PLBD2: variants seen among roughly 807,000 people sequenced by gnomAD.
PLBD2 encodes the protein phospholipase B domain containing 2.
A neutral mutation model predicts 68.3 loss-of-function variants in PLBD2; 51 were observed. That is an observed-to-expected ratio of 0.75 (90% CI 0.60 to 0.94). The LOEUF is 0.94. Ranked by LOEUF, PLBD2 falls within the 40% of genes least tolerant of loss-of-function variation. PLBD2 has a pLI of 0.00. For synonymous variants in PLBD2, 314 were observed against 339.3 expected, an observed-to-expected ratio of 0.93 and a Z score of 0.82; for missense variants, 729 against 792.2, an observed-to-expected ratio of 0.92 and a Z score of 0.96.
chr12:113,386,153 C>T (rs1253810670), intron 9 of PLBD2, among the ~76,000 whole-genome samples: 2 of 152,052 alleles, frequency 1.3e-5, no homozygotes, highest in African/African-American at 2.4e-5. Flanking sequence ...ATTGTTATCC[C>T]GAATGTCATA....
chr12:113,362,226 G>A (rs1219457959), intron 1 of PLBD2, among the ~76,000 whole-genome samples: 1 of 151,978 alleles, frequency 6.6e-6, no homozygotes, highest in African/African-American at 2.4e-5. Context: ...GCGCATGCCT[G>A]TGGTCCCAGC....
chr12:113,380,918 C>A (rs546257313), intron 6 of PLBD2, 76 bp downstream of exon 6: 4 of 1,392,026 alleles, frequency 2.9e-6, no homozygotes, highest in Non-Finnish European at 3.0e-6. Flanking sequence ...AGGATTGATT[C>A]CTGCGGCAAG....
Position 113,360,658 on chromosome 12 carries a change from T to C in PLBD2, c.290+1768T>C, listed in dbSNP as rs138477012. Among the ~76,000 whole-genome samples, 8 of 152,338 alleles carry C rather than the reference T, an allele frequency of 5.3e-5. No individual in the cohort carries two copies. The East Asian group carries it at 1.5e-3, about 29-fold the overall frequency. On this transcript the variant is annotated intron_variant, in intron 1 of 11. Coordinates refer to ENST00000280800, the MANE Select transcript of PLBD2 (RefSeq NM_173542.4). Reference sequence around the variant, plus strand: ...AGAAAGCACTGTTTATTTATTTTTATTTGTATTTTATTTTTTGAGACACAG... The same window carrying C: ...AGAAAGCACTGTTTATTTATTTTTACTTGTATTTTATTTTTTGAGACACAG...
chr12:113,374,626 T>G, intron 4 of PLBD2, 52 bp downstream of exon 4: 1 of 1,498,312 alleles, frequency 6.7e-7, no homozygotes, highest in Non-Finnish European at 9.1e-7. Flanking sequence ...CACACACTCA[T>G]AGTCGGACAG....
chr12:113,361,157 T>A (rs1182015262), intron 1 of PLBD2, among the ~76,000 whole-genome samples: 4 of 151,968 alleles, frequency 2.6e-5, no homozygotes, highest in Non-Finnish European at 4.4e-5. Flanking sequence ...GGGGACTCTG[T>A]GTCTTATTTC....
chr12:113,358,760 C>CCGCTGGGCGCGCG lies in PLBD2; in HGVS notation c.160_161insCGCTGGGCGCGCG (p.Gln54ProfsTer33). The CCGCTGGGCGCGCG allele has an allele frequency of 7.1e-7, 1 of 1,414,158 alleles. No homozygotes were observed. 87.6% of individuals were successfully genotyped at this position (1,414,158 alleles called of 1,614,324 possible). On this transcript the variant is annotated frameshift_variant, in exon 1 of 12. Coordinates refer to ENST00000280800, the MANE Select transcript of PLBD2 (RefSeq NM_173542.4). LOFTEE classifies it high-confidence loss of function. ...GGGGGGCCGCTGGGCGCGCGATGGG[C>CCGCTGGGCGCGCG]AGGTCCCTCCAGCCTCCCGCAGCCG...
In PLBD2 at chr12:113,391,293, C is replaced by G. The variant is rs1424025124; in HGVS notation, c.*2667C>G. On this transcript the variant is annotated 3_prime_UTR_variant, in exon 12 of 12. Transcript: ENST00000280800. Reference sequence around the variant, plus strand: ...CAATTCTGTCTCCACCTCTTATTAGCTAGCTATGGACTCCTCTCTGAGCCT... The same window carrying G: ...CAATTCTGTCTCCACCTCTTATTAGGTAGCTATGGACTCCTCTCTGAGCCT... The G allele has an allele frequency of 1.3e-5, 2 of 152,242 alleles. No individual in the cohort carries two copies. Among genetic ancestry groups the G allele is most frequent in the African/African-American group, 2.4e-5 (1 of 41,460 alleles). The allele number at this position is 152,242 out of a possible 1,614,324, so 9.4% of individuals were successfully genotyped here. A position where few individuals can be genotyped will look rare whatever the true frequency, so the allele number is the denominator to read the frequency against.
chr12:113,385,160 A>T, intron 8 of PLBD2, 52 bp from the exon 9 acceptor site: 1 of 1,586,440 alleles, frequency 6.3e-7, no homozygotes, highest in Non-Finnish European at 8.6e-7. Flanking sequence ...GGCAGTGCCC[A>T]CAGGAGCCCC....
chr12:113,382,895 AGGC>A (rs1254093024), intron 6 of PLBD2, among the ~76,000 whole-genome samples: 1 of 102,820 alleles, frequency 9.7e-6, no homozygotes, highest in Non-Finnish European at 1.8e-5. Context: ...TTTTTTAGAT[AGGC>A]TCTCTCTCTG....
intron 1 of PLBD2, among the ~76,000 whole-genome samples, chr12:113,365,837 A>C (rs1487326287): frequency 6.6e-6 from 1 of 152,142 alleles, no homozygotes; most frequent in Non-Finnish European, 1.5e-5. Flanking sequence ...AACCCAGAAC[A>C]GCTGTCACCT....
At chr12:113,373,596 CCATT>C (rs1391104329) in intron 3 of PLBD2, among the ~76,000 whole-genome samples, 1 of 151,986 alleles carries the variant, frequency 6.6e-6, no homozygotes, top group Non-Finnish European at 1.5e-5. Context: ...ATCCATCCAT[CCATT>C]CATCCACCTA....
At chr12:113,361,722 C>T (rs928852712) in intron 1 of PLBD2, among the ~76,000 whole-genome samples, 1 of 152,104 alleles carries the variant, frequency 6.6e-6, no homozygotes, top group Admixed American at 6.6e-5. Context: ...TGATTTGGTG[C>T]TTGGAGATCA....
At position 113,384,902 on chromosome 12, in the gene PLBD2, G is replaced by A; in HGVS notation, c.1170G>A (p.Gly390=). Residue 390 remains glycine (G), a synonymous_variant, in exon 8 of 12, where the codon GGG becomes GGA. Coordinates refer to ENST00000280800, the MANE Select transcript of PLBD2 (RefSeq NM_173542.4). The surrounding 1 kb of genome is among the most constrained non-coding windows in gnomAD (Gnocchi z 4.2). Reference sequence around the variant, plus strand: ...ACTACAAGGCGTTCATCCCGGGTGGGCCCAGCCCCGGGAGCCGGGTGCTTA... The same window carrying A: ...ACTACAAGGCGTTCATCCCGGGTGGACCCAGCCCCGGGAGCCGGGTGCTTA... The part of the protein sequence containing the change: ...IVDYKAFIPG[G]PSPGSRVLTI... The A allele has an allele frequency of 6.4e-7, 1 of 1,571,906 alleles. No homozygotes were observed. The highest frequency in any genetic ancestry group is 1.1e-5 in the South Asian group (1 of 90,612).
chr12:113,374,049 T>C (rs1363383232), intron 3 of PLBD2, among the ~76,000 whole-genome samples: 2 of 152,068 alleles, frequency 1.3e-5, no homozygotes, highest in African/African-American at 2.4e-5. Flanking sequence ...ACACTGATGA[T>C]ACTTTATGGC....
chr12:113,360,761 T>C (rs546341183), intron 1 of PLBD2, among the ~76,000 whole-genome samples: 1 of 152,212 alleles, frequency 6.6e-6, no homozygotes, highest in Non-Finnish European at 1.5e-5. Context: ...GTTCAAGCGA[T>C]TCTCGTGTCT....
Position 113,390,086 on chromosome 12 carries a change from C to G in PLBD2, c.*1460C>G, listed in dbSNP as rs1251055546. 1.3e-5 allele frequency: 2 copies of G among 152,134 alleles called. No homozygotes were observed. The highest frequency in any genetic ancestry group is 2.9e-5 in the Non-Finnish European group (2 of 68,056). The allele number at this position is 152,134 out of a possible 1,614,324, so 9.4% of individuals were successfully genotyped here. On this transcript the variant is annotated 3_prime_UTR_variant, in exon 12 of 12. Transcript: ENST00000280800. ...TGACTCATCCATCCACCTATGAGATCAGACAGGGAGGGATCCTTTTTTGTA... is the reference window on the plus strand; with the variant it reads ...TGACTCATCCATCCACCTATGAGATGAGACAGGGAGGGATCCTTTTTTGTA...
intron 5 of PLBD2, among the ~76,000 whole-genome samples, chr12:113,375,550 G>A (rs540536650): frequency 1.5e-4 from 23 of 152,258 alleles, no homozygotes; most frequent in South Asian, 1.2e-3. Flanking sequence ...TTAAATAACC[G>A]CTATTTATTT....
At chr12:113,361,768 G>C (rs1303143489) in intron 1 of PLBD2, among the ~76,000 whole-genome samples, 2 of 152,124 alleles carry the variant, frequency 1.3e-5, no homozygotes, top group Non-Finnish European at 2.9e-5. Flanking sequence ...CCTCAGTCTA[G>C]CTCTGGCCTT....
At chr12:113,359,994 C>T (rs1957275948) in intron 1 of PLBD2, among the ~76,000 whole-genome samples, 1 of 152,104 alleles carries the variant, frequency 6.6e-6, no homozygotes, top group East Asian at 1.9e-4. Flanking sequence ...GCTCAGACCA[C>T]ACTGCCCCCT....
Sources: allele counts gnomAD v4.1 joint callset (sites outside exome capture counted in the v4.1 genomes callset), GRCh38; gene constraint gnomAD v4.1.1; non-coding constraint Gnocchi (gnomAD v3.1); transcripts MANE v1.5; gene names NCBI Gene and HGNC (gene_info 2026-07-23, HGNC 2026-07-21).